OSBPL10: variants seen among roughly 807,000 people sequenced by gnomAD.
The protein encoded by OSBPL10 is oxysterol binding protein like 10.
A neutral mutation model predicts 81.7 loss-of-function variants in OSBPL10; 49 were observed. The observed-to-expected ratio is 0.60, with a 90% CI of 0.48 to 0.76. The LOEUF (loss-of-function observed/expected upper bound fraction) is 0.76. OSBPL10 is among the 30% of genes least tolerant of loss of function. The pLI is 0.00. For missense variants in OSBPL10, 923 were observed against 987.8 expected (o/e 0.93, Z 0.88); for synonymous variants, 419 against 383.6 (o/e 1.09, Z -1.08).
chr3:31,664,287 A>G (rs1700138479), intron 10 of OSBPL10, 55 bp from the exon 11 acceptor site: 6 of 1,585,604 alleles, frequency 3.8e-6, no homozygotes, highest in African/African-American at 1.3e-5. Context: ...GCTGCAAGCT[A>G]ACGGAACTCT....
intron 7 of OSBPL10, among the ~76,000 whole-genome samples, chr3:31,685,552 G>A (rs540277233): frequency 1.3e-5 from 2 of 152,262 alleles, no homozygotes; most frequent in East Asian, 1.9e-4. Context: ...TCCTCCTAAC[G>A]TGGACTCACA....
chr3:31,902,374 T>C (rs1696272608), intron 1 of OSBPL10, among the ~76,000 whole-genome samples: 3 of 150,618 alleles, frequency 2.0e-5, no homozygotes. Context: ...GCGATTCTCC[T>C]GCCTCAGCCT....
At chr3:31,974,801 T>C (rs1356019167) in intron 1 of OSBPL10, among the ~76,000 whole-genome samples, 1 of 152,222 alleles carries the variant, frequency 6.6e-6, no homozygotes, top group Admixed American at 6.5e-5. Flanking sequence ...GTGTGTTCCA[T>C]TTAAGAAAAT....
intron 7 of OSBPL10, among the ~76,000 whole-genome samples, chr3:31,701,155 C>G (rs962052082): frequency 2.2e-4 from 34 of 152,180 alleles, no homozygotes; most frequent in African/African-American, 8.0e-4. Flanking sequence ...TGTCATCTTC[C>G]TCCTCAAAGA....
chr3:31,672,043 GCT>G (rs1700334987), intron 8 of OSBPL10, among the ~76,000 whole-genome samples: 1 of 151,652 alleles, frequency 6.6e-6, no homozygotes, highest in African/African-American at 2.4e-5. Context: ...CGTCAAGAAT[GCT>G]CTGAGCCTTA....
chr3:31,663,668 C>T, intron 11 of OSBPL10: 1 of 1,074,652 alleles, frequency 9.3e-7, no homozygotes, highest in Non-Finnish European at 1.1e-6. Flanking sequence ...GTGAGGGCTC[C>T]AGCCCACCCA....
At chr3:31,761,254 A>G (rs752669122) in intron 4 of OSBPL10, among the ~76,000 whole-genome samples, 23 of 151,936 alleles carry the variant, frequency 1.5e-4, no homozygotes, top group Admixed American at 6.6e-4. Flanking sequence ...TAGGCAGATC[A>G]TGAGGTCAGG....
intron 3 of OSBPL10, among the ~76,000 whole-genome samples, chr3:31,872,749 GA>G (rs1180216495): frequency 6.6e-6 from 1 of 151,398 alleles, no homozygotes; most frequent in Non-Finnish European, 1.5e-5. Flanking sequence ...AGTCTCCTGA[GA>G]AGCTGAGACT....
chr3:31,978,326 A>T (rs1467333835), intron 1 of OSBPL10, among the ~76,000 whole-genome samples: 1 of 152,226 alleles, frequency 6.6e-6, no homozygotes, highest in Non-Finnish European at 1.5e-5. Flanking sequence ...GTACTAAGGC[A>T]TTTCCCTGGA....
chr3:31,838,523 A>C (rs1700416801), intron 3 of OSBPL10, among the ~76,000 whole-genome samples: 1 of 151,086 alleles, frequency 6.6e-6, no homozygotes, highest in Non-Finnish European at 1.5e-5. Context: ...AAAAAAAAAA[A>C]AAAAAAAAAA....
chr3:31,809,447 A>T (rs1699612473), intron 4 of OSBPL10, among the ~76,000 whole-genome samples: 1 of 152,260 alleles, frequency 6.6e-6, no homozygotes, highest in Admixed American at 6.5e-5. Context: ...TCAGCTGGAT[A>T]ACTATGCCCC....
intron 2 of OSBPL10, among the ~76,000 whole-genome samples, chr3:32,028,915 GTAGC>G (rs1699440639): frequency 7.7e-6 from 1 of 130,022 alleles, no homozygotes; most frequent in African/African-American, 2.9e-5. Flanking sequence ...GTTACAGTAG[GTAGC>G]TAGTCAGGAC....
At chr3:31,732,749 T>G (rs1360181688) in intron 6 of OSBPL10, 1 of 171,772 alleles carries the variant, frequency 5.8e-6, no homozygotes, top group Non-Finnish European at 1.2e-5. Flanking sequence ...GACGAGGCAG[T>G]GCATATCCTC....
intron 1 of OSBPL10, among the ~76,000 whole-genome samples, chr3:31,932,243 A>G (rs189458978): frequency 1.3e-5 from 2 of 152,300 alleles, no homozygotes; most frequent in Middle Eastern, 3.4e-3. Context: ...AATCCATTTC[A>G]CTAGAGTTTC....
Position 31,683,858 on chromosome 3 carries a change from T to C in OSBPL10, c.1502A>G (p.Lys501Arg), listed in dbSNP as rs1218242197. ...WEVPKDRVKP[K>R]RTASRSPASC... ...GGCAGGAGAGCGGGAAGCAGTCCTC[T>C]TAGGCTTGACCCTGTCCTTGGGAAC... Residue 501 changes from lysine to arginine, a missense_variant, in exon 8 of 12, where the codon AAG becomes AGG. Around this residue, in one of 3 missense-constraint regions of OSBPL10, gnomAD observed 387 missense variants for 436.3 expected, o/e 0.89. Coordinates refer to ENST00000396556, the MANE Select transcript of OSBPL10 (RefSeq NM_017784.5). The C allele has an allele frequency of 1.2e-6, 2 of 1,614,118 alleles. No homozygotes were observed. Among genetic ancestry groups the C allele is most frequent in the South Asian group, 1.1e-5 (1 of 91,084 alleles).
At chr3:31,990,902 A>G (rs1300472977) in intron 2 of OSBPL10, 2 of 1,575,372 alleles carry the variant, frequency 1.3e-6, no homozygotes, top group Non-Finnish European at 1.7e-6. Context: ...TCACATTCAC[A>G]TCGCATTAGA....
chr3:31,794,181 G>A (rs1699118282), intron 4 of OSBPL10, among the ~76,000 whole-genome samples: 1 of 152,216 alleles, frequency 6.6e-6, no homozygotes, highest in Non-Finnish European at 1.5e-5. Context: ...TCTTGCTCTT[G>A]TTGTCCAGGT....
At chr3:31,699,316 T>A (rs542157886) in intron 7 of OSBPL10, among the ~76,000 whole-genome samples, 1 of 152,258 alleles carries the variant, frequency 6.6e-6, no homozygotes, top group African/African-American at 2.4e-5. Context: ...GATCCTAACG[T>A]CCACTCCAGG....
intron 6 of OSBPL10, among the ~76,000 whole-genome samples, chr3:31,710,235 G>A (rs1283787470): frequency 1.3e-5 from 2 of 152,054 alleles, no homozygotes; most frequent in Non-Finnish European, 2.9e-5. Flanking sequence ...CCTGCTCTAG[G>A]TCTCAACAAG....
Sources: gnomAD v4.1 joint callset for allele counts (sites outside exome capture counted in the v4.1 genomes callset) on GRCh38, gnomAD v4.1.1 for gene constraint, gnomAD v4.1.1 regional missense constraint, MANE v1.5 for transcripts, NCBI Gene and HGNC (gene_info 2026-07-23, HGNC 2026-07-21) for gene names.